The following SLC27A6 variants were observed in gnomAD, a reference collection of about 807,000 sequenced individuals.
SLC27A6 encodes solute carrier family 27 member 6.
SLC27A6 carries 74 observed loss-of-function variants against 63.9 expected under a neutral mutation model. The ratio of observed to expected loss-of-function variants is 1.16; its 90% CI spans 0.96 to 1.40. The LOEUF is 1.40. Ranked by LOEUF, SLC27A6 falls within the 40% of genes most tolerant of loss-of-function variation. SLC27A6 has a pLI of 0.00. For synonymous variants in SLC27A6, 287 were observed against 260.8 expected (o/e 1.10, Z -0.97); for missense variants, 794 against 732.9 (o/e 1.08, Z -0.96).
rs186948046 is a variant in SLC27A6, at chr5:129,026,982, G to A, written c.1256-151G>A. The stretch of plus-strand genomic sequence containing the variant: ...AGGATGTGCTGGATATAGGCACCAA[G>A]GGTAAATGATGTCAAATACAGAAAT... On this transcript the variant is annotated intron_variant, in intron 6 of 9. Coordinates refer to ENST00000262462, the MANE Select transcript of SLC27A6 (RefSeq NM_001017372.3). The A allele has an allele frequency of 5.8e-5, 37 of 633,724 alleles. 1 individual carries two copies. The Middle Eastern group carries it at 1.4e-3, about 24-fold the overall frequency. The allele number at this position is 633,724 out of a possible 1,614,324, so 39.3% of individuals were successfully genotyped here.
rs1749851353 is a variant in SLC27A6, at chr5:128,965,579, C to G, written c.-559C>G. 1 of 152,476 alleles carries G rather than the reference C, an allele frequency of 6.6e-6. No individual in the cohort carries two copies. 9.4% of individuals were successfully genotyped at this position (152,476 alleles called of 1,614,324 possible). On this transcript the variant is annotated 5_prime_UTR_variant, in exon 1 of 10. Transcript: ENST00000262462. ...AGAGACTGTAAATCGCTGCGCTTCT[C>G]AGTCATCATCATCCCAGCTTTTCCC...
intron 2 of SLC27A6, among the ~76,000 whole-genome samples, chr5:128,986,465 C>A (rs918223068): frequency 5.3e-5 from 8 of 152,164 alleles, no homozygotes; most frequent in Admixed American, 2.0e-4. Context: ...TATTGTTACT[C>A]ATTTCTTGTG....
chr5:129,028,657 TA>T (rs1487749132), intron 8 of SLC27A6, among the ~76,000 whole-genome samples: 1 of 136,446 alleles, frequency 7.3e-6, no homozygotes, highest in East Asian at 2.0e-4. Context: ...TGCCTGCGTG[TA>T]TTTTTTTTTT....
At chr5:128,992,724 C>T (rs746026561) in intron 4 of SLC27A6, among the ~76,000 whole-genome samples, 6 of 152,116 alleles carry the variant, frequency 3.9e-5, no homozygotes, top group Non-Finnish European at 8.8e-5. Flanking sequence ...TTTCATTGTA[C>T]TTTTTGGTAA....
intron 8 of SLC27A6, among the ~76,000 whole-genome samples, 166 bp from the exon 9 acceptor site, chr5:129,029,411 G>C (rs553899407): frequency 1.3e-5 from 2 of 152,150 alleles, no homozygotes; most frequent in East Asian, 3.9e-4. Flanking sequence ...TTTCTAGGGG[G>C]TAAATCATAT....
chr5:128,977,154 G>A (rs1750419262), intron 1 of SLC27A6, among the ~76,000 whole-genome samples: 4 of 152,196 alleles, frequency 2.6e-5, no homozygotes, highest in Non-Finnish European at 5.9e-5. Flanking sequence ...AAGTGTTCAT[G>A]TGTATCATAG....
chr5:128,967,193 T>A (rs568453109), intron 1 of SLC27A6, among the ~76,000 whole-genome samples: 11 of 151,444 alleles, frequency 7.3e-5, no homozygotes, highest in African/African-American at 2.7e-4. Context: ...CTTCTTATCC[T>A]TCCATGCATC....
chr5:129,029,844 G>A (rs2289216), intron 9 of SLC27A6, 137 bp downstream of exon 9: 144,232 of 686,506 alleles, frequency 0.21, 16,172 homozygotes, highest in South Asian at 0.27. Context: ...GATGCAGATC[G>A]ATGCCATGTT....
At chr5:128,988,522 T>C (rs1750866718) in intron 2 of SLC27A6, 78 bp from the exon 3 acceptor site, 4 of 1,115,858 alleles carry the variant, frequency 3.6e-6, no homozygotes, top group Non-Finnish European at 5.2e-6. Flanking sequence ...ACTTCCTTTC[T>C]AGTTATATGA....
At chr5:129,025,474 G>C (rs1048968524) in intron 6 of SLC27A6, among the ~76,000 whole-genome samples, 10 of 151,950 alleles carry the variant, frequency 6.6e-5, no homozygotes, top group African/African-American at 1.7e-4. Flanking sequence ...TCCGACTCCT[G>C]CATTTGACAG....
At chr5:128,971,355 G>A (rs567303390) in intron 1 of SLC27A6, among the ~76,000 whole-genome samples, 1 of 152,114 alleles carries the variant, frequency 6.6e-6, no homozygotes, top group African/African-American at 2.4e-5. Flanking sequence ...ATTGACAGTG[G>A]GGTGTTAAAG....
intron 4 of SLC27A6, among the ~76,000 whole-genome samples, chr5:128,999,616 T>C (rs1480710866): frequency 1.3e-5 from 2 of 152,118 alleles, no homozygotes; most frequent in African/African-American, 4.8e-5. Flanking sequence ...ATAGCCAAAG[T>C]CCAACTTTTT....
At chr5:129,030,921 TC>T (rs1362696179) in intron 9 of SLC27A6, among the ~76,000 whole-genome samples, 1 of 151,970 alleles carries the variant, frequency 6.6e-6, no homozygotes, top group Non-Finnish European at 1.5e-5. Flanking sequence ...TCAAAATCTT[TC>T]CCCCATGTTG....
intron 4 of SLC27A6, among the ~76,000 whole-genome samples, chr5:128,991,230 G>A (rs562190116): frequency 3.3e-5 from 5 of 152,204 alleles, no homozygotes; most frequent in South Asian, 4.2e-4. Context: ...CTGATTGGCC[G>A]GGTGTGAGCT....
rs1404994787 is a variant in SLC27A6 at position 128,990,539 on chromosome 5, C to A, written c.969+75C>A. 13 of 1,403,330 alleles carry A rather than the reference C, an allele frequency of 9.3e-6. No homozygotes were observed. The Middle Eastern group carries it at 1.2e-3, about 126-fold the overall frequency. The allele number at this position is 1,403,330 out of a possible 1,614,324, so 86.9% of individuals were successfully genotyped here. On this transcript the variant is annotated intron_variant, in intron 4 of 9. Coordinates refer to ENST00000262462, the MANE Select transcript of SLC27A6 (RefSeq NM_001017372.3). ...GAGATAGAAAAGGTTATTTTTATTT[C>A]TTTGTTTATACTCTACCTTTGTTAC...
rs542835061 is a variant in SLC27A6, at chr5:128,975,557, G to A, written c.481+8939G>A. 2.6e-5 allele frequency among the ~76,000 whole-genome samples: 4 copies of A among 152,282 alleles called. No homozygotes were observed. In the East Asian group the frequency reaches 5.8e-4, roughly 22 times the overall value. ...GGCAATTGGAACACAATGGTGGTAA[G>A]TATTTTTAAGTGAAAACAGAAATGG... On this transcript the variant is annotated intron_variant, in intron 1 of 9. Coordinates refer to ENST00000262462, the MANE Select transcript of SLC27A6 (RefSeq NM_001017372.3).
chr5:129,028,735 A>T (rs918999403), intron 8 of SLC27A6, among the ~76,000 whole-genome samples: 1 of 150,788 alleles, frequency 6.6e-6, no homozygotes, highest in Non-Finnish European at 1.5e-5. Context: ...GCTTTTTATT[A>T]GTCTATTATT....
Position 128,975,336 on chromosome 5 carries a change from G to A in SLC27A6, c.481+8718G>A, listed in dbSNP as rs183683068. On this transcript the variant is annotated intron_variant, in intron 1 of 9. Coordinates refer to ENST00000262462, the MANE Select transcript of SLC27A6 (RefSeq NM_001017372.3). ...ACTACACTCCGGTCTGGGGAATAGA[G>A]TGAGACTCCAAAAAACAAAAGCAAA... Among the ~76,000 whole-genome samples, 10 of 152,308 alleles carry A rather than the reference G, an allele frequency of 6.6e-5. No homozygotes were observed. In the East Asian group the frequency reaches 1.7e-3, roughly 26 times the overall value.
chr5:128,981,129 C>A (rs1218492802), intron 1 of SLC27A6, among the ~76,000 whole-genome samples: 1 of 152,100 alleles, frequency 6.6e-6, no homozygotes, highest in African/African-American at 2.4e-5. Flanking sequence ...AATGAACATG[C>A]TTCTTTGAAA....
Sources: gnomAD v4.1 joint callset for allele counts (sites outside exome capture counted in the v4.1 genomes callset) on GRCh38, gnomAD v4.1.1 for gene constraint, MANE v1.5 for transcripts, NCBI Gene and HGNC (gene_info 2026-07-23, HGNC 2026-07-21) for gene names.